Variants in LIMD1 observed in about 807,000 individuals in gnomAD.
LIMD1 encodes LIM domain containing 1.
A neutral mutation model predicts 58.4 loss-of-function variants in LIMD1; 23 were observed. The observed-to-expected ratio is 0.39, with a 90% CI of 0.28 to 0.56. The LOEUF is 0.56. LIMD1 is among the 20% of genes least tolerant of loss of function. The probability of loss-of-function intolerance (pLI) is 0.57; values close to 1 mark genes in which losing one functional copy is unlikely to be tolerated. For missense variants in LIMD1, 838 were observed against 855.5 expected (o/e 0.98, Z 0.25); for synonymous variants, 334 against 345.5 (o/e 0.97, Z 0.37).
chr3:45,654,004 T>G (rs1198475440), intron 2 of LIMD1, among the ~76,000 whole-genome samples: 1 of 151,606 alleles, frequency 6.6e-6, no homozygotes, highest in Non-Finnish European at 1.5e-5. Context: ...TGTGCGATGA[T>G]GCAGATATTC....
intron 1 of LIMD1, among the ~76,000 whole-genome samples, chr3:45,612,502 T>A (rs1469377132): frequency 1.4e-5 from 2 of 145,282 alleles, no homozygotes; most frequent in Non-Finnish European, 3.1e-5. Flanking sequence ...CTTTCCACAC[T>A]CTCACTTCTT....
At chr3:45,629,802 G>A (rs967988738) in intron 1 of LIMD1, among the ~76,000 whole-genome samples, 1 of 152,226 alleles carries the variant, frequency 6.6e-6, no homozygotes, top group African/African-American at 2.4e-5. Context: ...GGGGCAGTCG[G>A]AGGAGAGCCT....
chr3:45,630,760 C>T (rs1161211210), intron 1 of LIMD1, among the ~76,000 whole-genome samples: 1 of 152,102 alleles, frequency 6.6e-6, no homozygotes, highest in African/African-American at 2.4e-5. Context: ...AGCTGCCAAC[C>T]AGATAGTCAT....
intron 1 of LIMD1, among the ~76,000 whole-genome samples, chr3:45,614,867 A>G (rs899360828): frequency 1.3e-5 from 2 of 150,524 alleles, no homozygotes; most frequent in Admixed American, 6.7e-5. Context: ...CGATCATCCT[A>G]CTCTAGGGAT....
chr3:45,684,024 C>A lies in LIMD1; in HGVS notation c.*6965C>A, dbSNP rs1697778185. ...TTTGCAATTTTCCCTGGATTGAAAA[C>A]AGAAATGCTTCCTACACAAACATGA... On this transcript the variant is annotated 3_prime_UTR_variant, in exon 8 of 8. Coordinates refer to ENST00000273317, the MANE Select transcript of LIMD1 (RefSeq NM_014240.3). 1 of 152,132 alleles carries A rather than the reference C, an allele frequency of 6.6e-6. No homozygotes were observed. The highest frequency in any genetic ancestry group is 2.1e-4 in the South Asian group (1 of 4,826). The allele number at this position is 152,132 out of a possible 1,614,324, so 9.4% of individuals were successfully genotyped here.
chr3:45,626,386 G>T (rs1701668306), intron 1 of LIMD1, among the ~76,000 whole-genome samples: 3 of 152,054 alleles, frequency 2.0e-5, no homozygotes, highest in African/African-American at 7.2e-5. Context: ...CCAGACAATG[G>T]CATATTATTT....
intron 1 of LIMD1, among the ~76,000 whole-genome samples, chr3:45,628,914 C>T (rs1701697555): frequency 6.6e-6 from 1 of 152,114 alleles, no homozygotes; most frequent in Non-Finnish European, 1.5e-5. Flanking sequence ...GTACATAAAC[C>T]AGATAAAGTA....
intron 7 of LIMD1, chr3:45,674,675 C>T (rs775752313): frequency 7.6e-6 from 3 of 394,448 alleles, no homozygotes; most frequent in African/African-American, 6.0e-5. Flanking sequence ...AGCTGCAGAG[C>T]TAGGAGGGTC....
intron 1 of LIMD1, among the ~76,000 whole-genome samples, chr3:45,612,101 T>C (rs1458234672): frequency 2.8e-5 from 3 of 108,388 alleles, no homozygotes; most frequent in Non-Finnish European, 4.4e-5. Flanking sequence ...CTCTCTCTCT[T>C]TAAAGACAAA....
At chr3:45,600,520 G>C (rs1701400860) in intron 1 of LIMD1, among the ~76,000 whole-genome samples, 1 of 152,074 alleles carries the variant, frequency 6.6e-6, no homozygotes, top group African/African-American at 2.4e-5. Flanking sequence ...TCCTCCTCCA[G>C]CCATCCTCCC....
chr3:45,659,682 A>G (rs1697401325), intron 2 of LIMD1, among the ~76,000 whole-genome samples: 1 of 152,260 alleles, frequency 6.6e-6, no homozygotes, highest in African/African-American at 2.4e-5. Flanking sequence ...GACATTTTAA[A>G]TAGCTATGTA....
At chr3:45,604,247 G>A (rs1051218060) in intron 1 of LIMD1, among the ~76,000 whole-genome samples, 4 of 152,056 alleles carry the variant, frequency 2.6e-5, no homozygotes, top group Admixed American at 6.5e-5. Context: ...CTGTAACAGC[G>A]GTGACTCCTG....
At chr3:45,638,358 G>C (rs1032189787) in intron 2 of LIMD1, among the ~76,000 whole-genome samples, 1 of 152,192 alleles carries the variant, frequency 6.6e-6, no homozygotes, top group Non-Finnish European at 1.5e-5. Flanking sequence ...TATATTGTGT[G>C]AATCTGAAGT....
chr3:45,606,187 A>T (rs556396149), intron 1 of LIMD1, among the ~76,000 whole-genome samples: 9 of 152,322 alleles, frequency 5.9e-5, no homozygotes, highest in Non-Finnish European at 1.2e-4. Context: ...CATTTCACAG[A>T]TGGAGAAACT....
rs1365553800 is a variant in LIMD1 at position 45,637,438 on chromosome 3, G to A, written c.1510+1187G>A. Among the ~76,000 whole-genome samples, 5 of 152,082 alleles carry A rather than the reference G, an allele frequency of 3.3e-5. No individual in the cohort carries two copies. The South Asian group carries it at 6.2e-4, about 19-fold the overall frequency. ...TGGGACTACAGATGTGCACCAGCAC[G>A]CCCAGCTAATTTTTGTATTTTTAGT... On this transcript the variant is annotated intron_variant, in intron 2 of 7. Transcript: ENST00000273317.
intron 2 of LIMD1, among the ~76,000 whole-genome samples, chr3:45,643,301 G>T (rs1253207320): frequency 6.6e-6 from 1 of 151,996 alleles, no homozygotes; most frequent in Admixed American, 6.6e-5. Flanking sequence ...CCTGGGCAAT[G>T]TGGCAAAACC....
chr3:45,631,651 G>C (rs1159866002), intron 1 of LIMD1, among the ~76,000 whole-genome samples: 2 of 152,150 alleles, frequency 1.3e-5, no homozygotes, highest in South Asian at 2.1e-4. Context: ...CCCTCAGAGA[G>C]AGGAAGCCAG....
At chr3:45,602,557 A>ACC (rs3836517) in intron 1 of LIMD1, among the ~76,000 whole-genome samples, 109 of 151,316 alleles carry the variant, frequency 7.2e-4, no homozygotes, top group Non-Finnish European at 1.5e-3. Flanking sequence ...GCAGTGACAG[A>ACC]CCCCCCTTAG....
chr3:45,609,813 G>A (rs1701506129), intron 1 of LIMD1, among the ~76,000 whole-genome samples: 1 of 151,994 alleles, frequency 6.6e-6, no homozygotes, highest in South Asian at 2.1e-4. Context: ...TGAGCTCCTT[G>A]GTAGTGGGGT....
Sources: allele counts gnomAD v4.1 joint callset (sites outside exome capture counted in the v4.1 genomes callset), GRCh38; gene constraint gnomAD v4.1.1; transcripts MANE v1.5; gene names NCBI Gene and HGNC (gene_info 2026-07-23, HGNC 2026-07-21).